Variants in LRP1B observed in about 807,000 individuals in gnomAD.
LRP1B encodes the protein LDL receptor related protein 1B.
LRP1B carries 217 observed loss-of-function variants against 556.6 expected under a neutral mutation model. The ratio of observed to expected loss-of-function variants is 0.39; its 90% CI spans 0.35 to 0.44. The LOEUF is 0.44. Ranked by LOEUF, LRP1B falls within the 20% of genes least tolerant of loss-of-function variation. The pLI is 1.00. For missense variants in LRP1B, 5,053 were observed against 5,620.8 expected (o/e 0.90, Z 3.23); for synonymous variants, 2,047 against 1,865.8 (o/e 1.10, Z -2.50).
intron 20 of LRP1B, among the ~76,000 whole-genome samples, chr2:140,949,866 G>A (rs1695657656): frequency 7.2e-6 from 1 of 138,836 alleles, no homozygotes; most frequent in South Asian, 2.3e-4. Context: ...GTAAACCCGG[G>A]AGGCGGAGCT....
chr2:141,341,536 C>G (rs78291064), intron 3 of LRP1B, among the ~76,000 whole-genome samples: 1 of 152,148 alleles, frequency 6.6e-6, no homozygotes, highest in Non-Finnish European at 1.5e-5. Flanking sequence ...ATTTAATACA[C>G]TTCTCTTCAT....
intron 1 of LRP1B, among the ~76,000 whole-genome samples, chr2:142,078,863 TA>T: frequency 8.6e-6 from 1 of 115,932 alleles, no homozygotes; most frequent in Admixed American, 1.0e-4. Context: ...AAGCAATATC[TA>T]TGTAGTTGTA....
chr2:141,632,199 C>A (rs1257877590), intron 2 of LRP1B, among the ~76,000 whole-genome samples: 1 of 152,088 alleles, frequency 6.6e-6, no homozygotes, highest in East Asian at 1.9e-4. Flanking sequence ...GCTGGGGTAA[C>A]AGGCATGATT....
rs545860552 is a variant in LRP1B, at chr2:140,700,219, C to T, written c.6799+31G>A. On this transcript the variant is annotated intron_variant, in intron 41 of 90. Coordinates refer to ENST00000389484, the MANE Select transcript of LRP1B (RefSeq NM_018557.3). ...TAGTAATCTAAATGATACTCATTTC[C>T]ACCTATTTAAAATTGAATTACTGTA... 5.1e-6 allele frequency: 8 copies of T among 1,565,018 alleles called. No individual in the cohort carries two copies. In the Admixed American group the frequency reaches 6.9e-5, roughly 14 times the overall value.
chr2:141,043,035 TACAAA>T lies in LRP1B; in HGVS notation c.1789+5946_1789+5950del, dbSNP rs1328436196. On this transcript the variant is annotated intron_variant, in intron 11 of 90. Transcript: ENST00000389484. ...GGTGAAAGGCTGTCACTACAAAAAA[TACAAA>T]AAAAAAAAAAAAATTAGCTGAGCAT... is the stretch of plus-strand genomic sequence containing the variant. 1.4e-4 allele frequency among the ~76,000 whole-genome samples: 5 copies of T among 35,392 alleles called. No homozygotes were observed. The East Asian group carries it at 1.6e-3, about 11-fold the overall frequency. The allele number at this position is 35,392 out of a possible 152,430, so 23.2% of individuals were successfully genotyped here.
At chr2:141,967,938 GC>G (rs1701607536) in intron 1 of LRP1B, among the ~76,000 whole-genome samples, 1 of 151,582 alleles carries the variant, frequency 6.6e-6, no homozygotes, top group African/African-American at 2.4e-5. Context: ...ATATGTTTTT[GC>G]CTTAGTCTTA....
At chr2:141,013,862 A>C in intron 13 of LRP1B, 117 bp from the exon 14 acceptor site, 2 of 545,134 alleles carry the variant, frequency 3.7e-6, no homozygotes, top group Non-Finnish European at 5.9e-6. Flanking sequence ...ATCTTAACTC[A>C]TTTTCTCTGA....
intron 1 of LRP1B, among the ~76,000 whole-genome samples, chr2:141,877,591 C>T (rs535009893): frequency 5.3e-5 from 8 of 152,076 alleles, no homozygotes; most frequent in African/African-American, 1.9e-4. Context: ...AGCATATCTA[C>T]CAGCTGTCCA....
intron 66 of LRP1B, among the ~76,000 whole-genome samples, chr2:140,387,271 C>T (rs116847530): frequency 0.02 from 2,973 of 152,188 alleles, 42 homozygotes; most frequent in Non-Finnish European, 0.023. Context: ...TTACAGAATT[C>T]AGACTTAAAT....
chr2:140,362,833 T>G (rs899298667), intron 72 of LRP1B, among the ~76,000 whole-genome samples: 12 of 151,666 alleles, frequency 7.9e-5, no homozygotes, highest in Non-Finnish European at 1.6e-4. Context: ...AGTTTGTAAG[T>G]ATATATTTTT....
intron 37 of LRP1B, among the ~76,000 whole-genome samples, chr2:140,714,810 A>T (rs1268965645): frequency 3.9e-5 from 6 of 152,140 alleles, no homozygotes; most frequent in African/African-American, 1.4e-4. Flanking sequence ...TGATTGCACC[A>T]CTGCGCTCCA....
Position 141,115,607 on chromosome 2 carries a change from C to A in LRP1B, c.1014-53334G>T, listed in dbSNP as rs563272901. On this transcript the variant is annotated intron_variant, in intron 7 of 90. Transcript: ENST00000389484. ...GAGTAGCTGGGACTACAGGCTCCCG[C>A]CACCATGCCCGGCTAATTTGTGTGT... Among the ~76,000 whole-genome samples the A allele has an allele frequency of 2.7e-5, 4 of 148,496 alleles. No homozygotes were observed. In the South Asian group the frequency reaches 8.9e-4, roughly 33 times the overall value.
chr2:140,983,201 C>G (rs1696823283), intron 17 of LRP1B, among the ~76,000 whole-genome samples: 1 of 151,992 alleles, frequency 6.6e-6, no homozygotes, highest in Non-Finnish European at 1.5e-5. Flanking sequence ...TCCCTCTGAA[C>G]TACGAATATG....
chr2:140,311,478 T>C (rs546949543), intron 83 of LRP1B, among the ~76,000 whole-genome samples: 1 of 151,956 alleles, frequency 6.6e-6, no homozygotes, highest in East Asian at 1.9e-4. Context: ...AAATCATGTG[T>C]ACACGTAGAC....
chr2:140,440,416 T>C (rs1444650679), intron 66 of LRP1B, among the ~76,000 whole-genome samples: 1 of 152,128 alleles, frequency 6.6e-6, no homozygotes, highest in Non-Finnish European at 1.5e-5. Context: ...TAAAGACATA[T>C]AACTGAGTCA....
rs139929572 is a variant in LRP1B at position 141,071,827 on chromosome 2, A to G, written c.1014-9554T>C. Among the ~76,000 whole-genome samples the G allele has an allele frequency of 4.3e-4, 66 of 152,302 alleles. No individual in the cohort carries two copies. In the East Asian group the frequency reaches 0.012, roughly 28 times the overall value. On this transcript the variant is annotated intron_variant, in intron 7 of 90. Coordinates refer to ENST00000389484, the MANE Select transcript of LRP1B (RefSeq NM_018557.3). ...GCGAAGGACCTCTTCAAGGAGAACTACAAACCACTGCTCGATGAAATAAAA... is the reference window on the plus strand; with the variant it reads ...GCGAAGGACCTCTTCAAGGAGAACTGCAAACCACTGCTCGATGAAATAAAA...
intron 2 of LRP1B, among the ~76,000 whole-genome samples, chr2:141,656,539 C>A (rs1690016286): frequency 6.6e-6 from 1 of 152,000 alleles, no homozygotes; most frequent in Admixed American, 6.6e-5. Flanking sequence ...TATTTCTATA[C>A]CTGGTATTGA....
At chr2:140,249,032 A>T (rs1408850059) in intron 86 of LRP1B, among the ~76,000 whole-genome samples, 1 of 76,794 alleles carries the variant, frequency 1.3e-5, no homozygotes, top group Non-Finnish European at 2.9e-5. Flanking sequence ...TTTATACATT[A>T]TCTCATTTAA....
intron 32 of LRP1B, among the ~76,000 whole-genome samples, chr2:140,805,137 C>A (rs140677900): frequency 2.4e-4 from 36 of 152,138 alleles, no homozygotes; most frequent in Non-Finnish European, 3.2e-4. Flanking sequence ...CATGAGTCTG[C>A]AAATACACAC....
Sources: allele counts gnomAD v4.1 joint callset (sites outside exome capture counted in the v4.1 genomes callset), GRCh38; gene constraint gnomAD v4.1.1; transcripts MANE v1.5; gene names NCBI Gene and HGNC (gene_info 2026-07-23, HGNC 2026-07-21).